The following NOL4 variants were observed in gnomAD, a reference collection of about 807,000 sequenced individuals.
NOL4 encodes the protein cancer/testis antigen 125.
Under a neutral mutation model 75.9 loss-of-function variants are expected in NOL4, and 17 were observed. That is an observed-to-expected ratio of 0.22 (90% CI 0.15 to 0.34). The LOEUF (loss-of-function observed/expected upper bound fraction) is 0.34, where lower values mean the gene tolerates loss of function less well. Among genes scored for constraint, NOL4 ranks in the 10% least tolerant of loss-of-function variants. NOL4 has a pLI of 1.00. For synonymous variants in NOL4, 292 were observed against 289.9 expected, an observed-to-expected ratio of 1.01 and a Z score of -0.07; for missense variants, 614 against 793.5, an observed-to-expected ratio of 0.77 and a Z score of 2.72.
intron 1 of NOL4, among the ~76,000 whole-genome samples, chr18:34,161,884 T>A (rs1186228498): frequency 1.3e-5 from 2 of 152,184 alleles, no homozygotes; most frequent in Non-Finnish European, 2.9e-5. Flanking sequence ...GTCATTTCCA[T>A]AGATTATTTT....
chr18:34,095,990 G>A (rs1318268999), intron 4 of NOL4, among the ~76,000 whole-genome samples: 1 of 151,846 alleles, frequency 6.6e-6, no homozygotes, highest in African/African-American at 2.4e-5. Flanking sequence ...GTGTATTTAT[G>A]TTTAAAGAAG....
chr18:34,003,728 C>A (rs1201776772), intron 6 of NOL4, among the ~76,000 whole-genome samples: 1 of 152,052 alleles, frequency 6.6e-6, no homozygotes, highest in Non-Finnish European at 1.5e-5. Context: ...TTCAGCAAGA[C>A]TGTTTGGTTA....
chr18:34,106,049 C>T (rs2079262472), intron 2 of NOL4, among the ~76,000 whole-genome samples: 1 of 151,968 alleles, frequency 6.6e-6, no homozygotes, highest in South Asian at 2.1e-4. Flanking sequence ...AGTTTTCCAC[C>T]ATAGCACTAA....
At chr18:34,009,606 T>C (rs1162604915) in intron 6 of NOL4, among the ~76,000 whole-genome samples, 2 of 152,074 alleles carry the variant, frequency 1.3e-5, no homozygotes, top group East Asian at 3.9e-4. Context: ...ATTGATGAAC[T>C]GTCCAAGCTC....
chr18:34,104,262 A>C, intron 3 of NOL4, 103 bp from the exon 4 acceptor site: 1 of 714,818 alleles, frequency 1.4e-6, no homozygotes, highest in Non-Finnish European at 2.4e-6. Context: ...TTTAGATATC[A>C]AGTGTCTTAA....
chr18:33,899,793 T>C (rs910304112), intron 9 of NOL4, among the ~76,000 whole-genome samples: 3 of 152,134 alleles, frequency 2.0e-5, no homozygotes, highest in Admixed American at 6.6e-5. Flanking sequence ...GGAATAGTGT[T>C]GGACTTGTAT....
chr18:33,860,445 C>A (rs548976332), intron 10 of NOL4, among the ~76,000 whole-genome samples: 1 of 152,264 alleles, frequency 6.6e-6, no homozygotes, highest in East Asian at 1.9e-4. Context: ...GGAGTTTGTG[C>A]AAGTTAGTGA....
chr18:33,901,483 T>C (rs1051956687), intron 9 of NOL4, among the ~76,000 whole-genome samples: 6 of 152,118 alleles, frequency 3.9e-5, no homozygotes, highest in Admixed American at 3.9e-4. Flanking sequence ...TACATGTAAA[T>C]AGAATAAATG....
intron 5 of NOL4, among the ~76,000 whole-genome samples, chr18:34,034,321 C>T (rs2075782820): frequency 6.6e-6 from 1 of 152,142 alleles, no homozygotes; most frequent in Admixed American, 6.5e-5. Flanking sequence ...TAAAAGATAT[C>T]GACTTGCTGA....
intron 1 of NOL4, among the ~76,000 whole-genome samples, chr18:34,145,025 G>T (rs1242247351): frequency 6.6e-6 from 1 of 152,030 alleles, no homozygotes; most frequent in African/African-American, 2.4e-5. Flanking sequence ...ATTCTCCACA[G>T]GCCACTGTAT....
intron 1 of NOL4, among the ~76,000 whole-genome samples, chr18:34,191,798 G>A (rs2034936830): frequency 1.3e-5 from 2 of 152,066 alleles, no homozygotes; most frequent in African/African-American, 2.4e-5. Flanking sequence ...AAAGGAAGCC[G>A]ACTACGCCAG....
chr18:34,158,114 A>G (rs561029674), intron 1 of NOL4, among the ~76,000 whole-genome samples: 1 of 152,310 alleles, frequency 6.6e-6, no homozygotes, highest in East Asian at 1.9e-4. Flanking sequence ...AGAACTATGT[A>G]AGGAAACTCA....
intron 9 of NOL4, among the ~76,000 whole-genome samples, chr18:33,940,909 C>T (rs577206547): frequency 8.6e-5 from 13 of 151,690 alleles, no homozygotes; most frequent in Non-Finnish European, 1.5e-4. Context: ...AGTAAGAAGT[C>T]CCATTTTTAA....
intron 9 of NOL4, among the ~76,000 whole-genome samples, chr18:33,887,879 T>C (rs1447220956): frequency 1.3e-5 from 2 of 152,178 alleles, no homozygotes; most frequent in African/African-American, 4.8e-5. Context: ...GCAATAAACA[T>C]ACGTGTGCAT....
chr18:33,928,430 A>G (rs1237524530), intron 9 of NOL4, among the ~76,000 whole-genome samples: 1 of 152,202 alleles, frequency 6.6e-6, no homozygotes, highest in Non-Finnish European at 1.5e-5. Flanking sequence ...AAGTAGAATG[A>G]GTAATGGAAA....
In NOL4 at chr18:33,871,604, AG is replaced by A. The variant is rs199665182; in HGVS notation, c.1723+11639del. The stretch of plus-strand genomic sequence containing the variant: ...CGTAATGAGCCCATGTCACCTGGAA[AG>A]ACCCTAAACAGTTTACTAGCAGACT... On this transcript the variant is annotated intron_variant, in intron 10 of 10. Coordinates refer to ENST00000261592, the MANE Select transcript of NOL4 (RefSeq NM_003787.5). Among the ~76,000 whole-genome samples, 145 of 152,166 alleles carry A rather than the reference AG, an allele frequency of 9.5e-4. 2 individuals are homozygous for A. The East Asian group carries it at 0.026, about 27-fold the overall frequency.
chr18:34,194,381 A>G (rs1291072999), intron 1 of NOL4, among the ~76,000 whole-genome samples: 2 of 151,628 alleles, frequency 1.3e-5, no homozygotes, highest in Non-Finnish European at 2.9e-5. Context: ...AACTAAGAAA[A>G]GAAGAAAAGA....
At chr18:34,162,776 G>A (rs1410850805) in intron 1 of NOL4, among the ~76,000 whole-genome samples, 1 of 152,170 alleles carries the variant, frequency 6.6e-6, no homozygotes, top group Non-Finnish European at 1.5e-5. Flanking sequence ...AAGCCCGGCA[G>A]AGACACAACC....
chr18:34,033,241 T>C (rs2075728446), intron 5 of NOL4, among the ~76,000 whole-genome samples: 1 of 151,998 alleles, frequency 6.6e-6, no homozygotes, highest in Non-Finnish European at 1.5e-5. Context: ...AATAAGAAAC[T>C]AAATTATTGA....
Sources: gnomAD v4.1 joint callset for allele counts (sites outside exome capture counted in the v4.1 genomes callset) on GRCh38, gnomAD v4.1.1 for gene constraint, MANE v1.5 for transcripts, NCBI Gene and HGNC (gene_info 2026-07-23, HGNC 2026-07-21) for gene names.